Variants in CELF5 observed in about 807,000 individuals in gnomAD.
CELF5 encodes the protein CUGBP Elav-like family member 5.
Under a neutral mutation model 54.9 loss-of-function variants are expected in CELF5, and 6 were observed. The ratio of observed to expected loss-of-function variants is 0.11; its 90% CI spans 0.06 to 0.22. The LOEUF is 0.22. CELF5 is among the 10% of genes least tolerant of loss of function. The pLI is 1.00. For missense variants in CELF5, 401 were observed against 678.6 expected, an observed-to-expected ratio of 0.59 and a Z score of 4.54; for synonymous variants, 271 against 290.9, an observed-to-expected ratio of 0.93 and a Z score of 0.70.
chr19:3,264,350 T>C (rs1214348462), intron 2 of CELF5, among the ~76,000 whole-genome samples: 3 of 151,288 alleles, frequency 2.0e-5, no homozygotes, highest in African/African-American at 7.3e-5. Context: ...ATAAATGGGA[T>C]AATAGTCTGT....
At chr19:3,286,212 T>G (rs2145291027) in intron 10 of CELF5, 187 bp downstream of exon 10, 1 of 516,736 alleles carries the variant, frequency 1.9e-6, no homozygotes, top group Admixed American at 4.1e-5. Flanking sequence ...CTCTGTTTCC[T>G]CCTCCGAAAA....
At position 3,275,522 on chromosome 19, in the gene CELF5, CTG is replaced by C. The variant is rs1349052409; in HGVS notation, c.395-333_395-332del. ...AGCCCTAGTACTCGGTGCGGGCTCT[CTG>C]AGTGCACCAGAGGGAAAGGTCATCT... On this transcript the variant is annotated intron_variant, in intron 3 of 12. Coordinates refer to ENST00000292672, the MANE Select transcript of CELF5 (RefSeq NM_021938.4). This position sits in a 1 kb window ranked among gnomAD's most constrained non-coding sequence, Gnocchi z 6.7. Among the ~76,000 whole-genome samples, 2 of 152,220 alleles carry C rather than the reference CTG, an allele frequency of 1.3e-5. No homozygotes were observed. Among genetic ancestry groups the C allele is most frequent in the African/African-American group, 4.8e-5 (2 of 41,462 alleles).
chr19:3,239,257 A>C (rs1441803636), intron 1 of CELF5, among the ~76,000 whole-genome samples: 1 of 149,164 alleles, frequency 6.7e-6, no homozygotes, highest in African/African-American at 2.5e-5. Context: ...GAACCACCAC[A>C]CCCAGCTGTT....
intron 1 of CELF5, among the ~76,000 whole-genome samples, chr19:3,248,231 C>T (rs959355239): frequency 6.6e-6 from 1 of 152,156 alleles, no homozygotes; most frequent in African/African-American, 2.4e-5. Flanking sequence ...TCATAGCTCA[C>T]TGCAGCCTCC....
rs781555114 is a variant in CELF5, at chr19:3,224,771, G to GGCA, written c.44_46dup (p.Gln15dup). On this transcript the variant is annotated inframe_insertion, in exon 1 of 13. Transcript: ENST00000292672. ...CGCCTGACGGAGAGCGAGGCGCGCCGGCAGCAGCAGCAGCTCCTGCAGCCG... is the reference window on the plus strand; with the variant it reads ...CGCCTGACGGAGAGCGAGGCGCGCCGGCAGCAGCAGCAGCAGCTCCTGCAGCCG... 4.8e-6 allele frequency: 7 copies of GGCA among 1,446,116 alleles called. No homozygotes were observed. In the African/African-American group the frequency reaches 6.0e-5, roughly 12 times the overall value. The allele number at this position is 1,446,116 out of a possible 1,614,324, so 89.6% of individuals were successfully genotyped here.
intron 3 of CELF5, among the ~76,000 whole-genome samples, chr19:3,274,951 CTT>C (rs578143834): frequency 3.5e-4 from 53 of 152,080 alleles, no homozygotes; most frequent in Middle Eastern, 6.8e-3. Context: ...TTTCTCTTCT[CTT>C]GTCTCTTCAT....
At chr19:3,241,726 C>G (rs2079493848) in intron 1 of CELF5, among the ~76,000 whole-genome samples, 1 of 152,122 alleles carries the variant, frequency 6.6e-6, no homozygotes, top group Non-Finnish European at 1.5e-5. Flanking sequence ...CCACAGGGCC[C>G]TCAGCATTTG....
intron 1 of CELF5, among the ~76,000 whole-genome samples, chr19:3,248,849 T>TTCCTTCCTTCCTTC (rs2079602933): frequency 7.5e-6 from 1 of 132,554 alleles, no homozygotes; most frequent in African/African-American, 2.9e-5. Flanking sequence ...CTTTTTTCTT[T>TTCCTTCCTTCCTTC]CTTTCTTCCT....
chr19:3,274,207 C>G (rs1440801888), intron 3 of CELF5, among the ~76,000 whole-genome samples: 1 of 152,136 alleles, frequency 6.6e-6, no homozygotes, highest in African/African-American at 2.4e-5. Context: ...GTTTGAAATA[C>G]TCCACTCCCT....
chr19:3,250,035 G>C (rs921545064), intron 1 of CELF5, among the ~76,000 whole-genome samples: 1 of 152,150 alleles, frequency 6.6e-6, no homozygotes, highest in Non-Finnish European at 1.5e-5. Context: ...CCCTTTGCGG[G>C]GGTGTATGTG....
chr19:3,290,447 TTG>T (rs2080324392), intron 11 of CELF5, 73 bp downstream of exon 11: 1 of 1,563,282 alleles, frequency 6.4e-7, no homozygotes, highest in Non-Finnish European at 8.8e-7. Context: ...TGGGAGGGTT[TTG>T]GTCGGCCTCG....
chr19:3,259,630 G>A (rs1001414149), intron 2 of CELF5, among the ~76,000 whole-genome samples: 3 of 152,056 alleles, frequency 2.0e-5, no homozygotes, highest in Admixed American at 2.0e-4. Context: ...CAGCCTCCTG[G>A]GACCTCAGCA....
chr19:3,227,025 C>T (rs750537714), intron 1 of CELF5, among the ~76,000 whole-genome samples: 1 of 152,172 alleles, frequency 6.6e-6, no homozygotes, highest in Admixed American at 6.5e-5. Context: ...GCCGTGTGCA[C>T]GACAGCCGGC....
chr19:3,235,768 GGATA>G lies in CELF5; in HGVS notation c.259+10774_259+10777del, dbSNP rs1377767872. Among the ~76,000 whole-genome samples, 163 of 147,084 alleles carry G rather than the reference GGATA, an allele frequency of 1.1e-3. 1 individual carries two copies. Among genetic ancestry groups the G allele is most frequent in the African/African-American group, 3.9e-3 (153 of 39,364 alleles). ...TGGATGGATGGATGTGTGGATGGGT[GGATA>G]GATGGATGGATGGATGAATGGATGG... On this transcript the variant is annotated intron_variant, in intron 1 of 12. Transcript: ENST00000292672.
chr19:3,296,074 G>A (rs1014191636), intron 12 of CELF5: 4 of 145,462 alleles, frequency 2.7e-5, no homozygotes, highest in African/African-American at 7.5e-5. Context: ...TTTTTTTTCC[G>A]GTCTTTCTGA....
intron 1 of CELF5, among the ~76,000 whole-genome samples, chr19:3,235,861 A>G (rs1917576837): frequency 6.8e-6 from 1 of 147,386 alleles, no homozygotes; most frequent in Non-Finnish European, 1.5e-5. Flanking sequence ...TGGATGGATG[A>G]ATAGGTGGGA....
At chr19:3,274,828 C>T (rs1427977589) in intron 3 of CELF5, among the ~76,000 whole-genome samples, 1 of 152,070 alleles carries the variant, frequency 6.6e-6, no homozygotes, top group Admixed American at 6.6e-5. Flanking sequence ...TCACACTCTC[C>T]ACCCTGGCTG....
chr19:3,256,657 C>T (rs1253883283), intron 2 of CELF5, among the ~76,000 whole-genome samples: 2 of 149,384 alleles, frequency 1.3e-5, no homozygotes, highest in Non-Finnish European at 3.0e-5. Flanking sequence ...CAACCTCCGC[C>T]TCCTGGGTTC....
chr19:3,232,988 C>T (rs1404393548), intron 1 of CELF5, among the ~76,000 whole-genome samples: 4 of 151,862 alleles, frequency 2.6e-5, no homozygotes, highest in Admixed American at 2.0e-4. Flanking sequence ...GCAAGAGAAT[C>T]GCTTGAACCC....
Sources: gnomAD v4.1 joint callset for allele counts (sites outside exome capture counted in the v4.1 genomes callset) on GRCh38, gnomAD v4.1.1 for gene constraint, Gnocchi (gnomAD v3.1) non-coding constraint, MANE v1.5 for transcripts, NCBI Gene and HGNC (gene_info 2026-07-23, HGNC 2026-07-21) for gene names.